TRAPPC4: variants seen among roughly 807,000 people sequenced by gnomAD.
TRAPPC4 encodes the protein trafficking protein particle complex subunit 4, also known as TRS23 homolog.
In TRAPPC4, 30 loss-of-function variants were observed where a neutral mutation model predicts 23.5. That is an observed-to-expected ratio of 1.28 (90% CI 0.96 to 1.73). TRAPPC4 has a LOEUF of 1.73. Ranked by LOEUF, TRAPPC4 falls within the 40% of genes most tolerant of loss-of-function variation. TRAPPC4 has a pLI of 0.00. For missense variants in TRAPPC4, 252 were observed against 268.9 expected (o/e 0.94, Z 0.44); for synonymous variants, 129 against 105.3 (o/e 1.23, Z -1.38).
chr11:119,021,610 C>A, intron 3 of TRAPPC4, 150 bp from the exon 4 acceptor site: 1 of 805,386 alleles, frequency 1.2e-6, no homozygotes, highest in Non-Finnish European at 1.9e-6. Flanking sequence ...GATTCAAAGT[C>A]TTGCCTTTCC....
Position 119,023,220 on chromosome 11 carries a change from C to T in TRAPPC4, c.582-101C>T, listed in dbSNP as rs1943440558. ...CCTCAGCTGATCCGCCCACCTCAGC[C>T]TTCCATGATATATGTTGTTCTTCAA... On this transcript the variant is annotated intron_variant, in intron 4 of 4. Transcript: ENST00000533632. The T allele has an allele frequency of 2.6e-6, 3 of 1,142,670 alleles. No homozygotes were observed. In the South Asian group the frequency reaches 3.8e-5, roughly 15 times the overall value. The allele number at this position is 1,142,670 out of a possible 1,614,324, so 70.8% of individuals were successfully genotyped here.
At chr11:119,020,510 C>T (rs1943328443) in intron 3 of TRAPPC4, 1 of 337,760 alleles carries the variant, frequency 3.0e-6, no homozygotes, top group Non-Finnish European at 5.6e-6. Context: ...TCAAGCGATT[C>T]TCCTGCCTCA....
chr11:119,018,826 A>G lies in TRAPPC4; in HGVS notation c.31A>G (p.Lys11Glu). 1 of 1,614,234 alleles carries G rather than the reference A, an allele frequency of 6.2e-7. No individual in the cohort carries two copies. The highest frequency in any genetic ancestry group is 8.5e-7 in the Non-Finnish European group (1 of 1,180,046). The change falls in exon 1 of 5, where the codon AAA (lysine) becomes GAA (glutamate). Residue 11 changes from lysine to glutamate, a missense_variant. Lys to Glu is a moderately conservative substitution (Grantham distance 56). Around this residue, in one of 3 missense-constraint regions of TRAPPC4, gnomAD observed 222 missense variants for 217.8 expected, o/e 1.02. Transcript: ENST00000533632. The stretch of plus-strand genomic sequence containing the variant: ...GATTTTTAGTGTGTATGTGGTGAAC[A>G]AAGCTGGCGGCTTGATTTACCAGTT... MAIFSVYVVN[K>E]AGGLIYQLDS...
chr11:119,019,555 C>T (rs1008900174), intron 2 of TRAPPC4: 3 of 472,296 alleles, frequency 6.4e-6, no homozygotes, highest in African/African-American at 2.0e-5. Flanking sequence ...GATTCTCCTG[C>T]CTCAGCCTCC....
intron 4 of TRAPPC4, 132 bp from the exon 5 acceptor site, chr11:119,023,189 T>G (rs1943439870): frequency 1.3e-6 from 1 of 795,920 alleles, no homozygotes; most frequent in Admixed American, 2.1e-5. Flanking sequence ...AGTCTCAAAG[T>G]CCTGACCTCA....
At position 119,023,642 on chromosome 11, in the gene TRAPPC4, T is replaced by C. The variant is rs1943462460; in HGVS notation, c.*243T>C. ...GGAGGAGCTAGGTCCATAAATGTTGTAATAAATATTCCTTTGATCTTGGTG... is the reference window on the plus strand; with the variant it reads ...GGAGGAGCTAGGTCCATAAATGTTGCAATAAATATTCCTTTGATCTTGGTG... On this transcript the variant is annotated 3_prime_UTR_variant, in exon 5 of 5. Coordinates refer to ENST00000533632, the MANE Select transcript of TRAPPC4 (RefSeq NM_016146.6). 2.8e-6 allele frequency: 1 copy of C among 363,058 alleles called. No homozygotes were observed. Among genetic ancestry groups the C allele is most frequent in the Non-Finnish European group, 5.0e-6 (1 of 198,964 alleles). 22.5% of individuals were successfully genotyped at this position (363,058 alleles called of 1,614,324 possible). A position where few individuals can be genotyped will look rare whatever the true frequency, so the allele number is the denominator to read the frequency against.
chr11:119,020,225 CA>C lies in TRAPPC4; in HGVS notation c.429del (p.Lys143AsnfsTer8). The C allele has an allele frequency of 6.2e-7, 1 of 1,613,698 alleles. No homozygotes were observed. The highest frequency in any genetic ancestry group is 8.5e-7 in the Non-Finnish European group (1 of 1,179,944). On this transcript the variant is annotated frameshift_variant, in exon 3 of 5. Transcript: ENST00000533632. LOFTEE classifies it high-confidence loss of function. The part of the protein sequence containing the change: ...GIEMLETDTF[K>X]LHCYQTLTGI... ...TTGAGATGCTGGAGACAGACACATTCAAATTGCACTGCTACCAGACACTGAC... is the reference window on the plus strand; with the variant it reads ...TTGAGATGCTGGAGACAGACACATTCAATTGCACTGCTACCAGACACTGAC...
chr11:119,023,335 A>G lies in TRAPPC4; in HGVS notation c.596A>G (p.Asp199Gly). 1 of 1,613,882 alleles carries G rather than the reference A, an allele frequency of 6.2e-7. No homozygotes were observed. Among genetic ancestry groups the G allele is most frequent in the East Asian group, 2.2e-5 (1 of 44,876 alleles). Residue 199 changes from aspartate (D) to glycine (G), a missense_variant, in exon 5 of 5, where the codon GAC becomes GGC. Physicochemically the swap from Asp to Gly is moderately conservative, Grantham distance 94. This residue lies in a region of TRAPPC4 where 21 missense variants were observed against 24.8 expected (regional missense o/e 0.85). Coordinates refer to ENST00000533632, the MANE Select transcript of TRAPPC4 (RefSeq NM_016146.6). ...LEMPIRCELF[D>G]QNLKLALEVA... Reference sequence around the variant, plus strand: ...GCCCGGCTTAGGTGTGAGCTCTTTGACCAGAACCTGAAGCTAGCTCTGGAG... The same window carrying G: ...GCCCGGCTTAGGTGTGAGCTCTTTGGCCAGAACCTGAAGCTAGCTCTGGAG...
rs561431887 is a variant in TRAPPC4, at chr11:119,020,894, TTTGTC to T, written c.454+646_454+650del. 8.7e-3 allele frequency: 1,316 copies of T among 151,948 alleles called. 5 individuals carry two copies. The highest frequency in any genetic ancestry group is 0.015 in the Non-Finnish European group (993 of 68,070). The allele number at this position is 151,948 out of a possible 1,614,324, so 9.4% of individuals were successfully genotyped here. A position where few individuals can be genotyped will look rare whatever the true frequency, so the allele number is the denominator to read the frequency against. The stretch of plus-strand genomic sequence containing the variant: ...CTAATTTTTTGTGGGGTTTTTTTGT[TTTGTC>T]TTGTTTTGAGATGGAGTCTTGCTCT... On this transcript the variant is annotated intron_variant, in intron 3 of 4. Transcript: ENST00000533632.
rs782184590 is a variant in TRAPPC4 at position 119,018,858 on chromosome 11, C to T, written c.63C>T (p.Ser21=). The T allele has an allele frequency of 2.5e-6, 4 of 1,614,232 alleles. No individual in the cohort carries two copies. The highest frequency in any genetic ancestry group is 1.1e-5 in the South Asian group (1 of 91,088). The change falls in exon 1 of 5, where the codon AGC becomes AGT. Residue 21 remains serine (S), a synonymous_variant. Coordinates refer to ENST00000533632, the MANE Select transcript of TRAPPC4 (RefSeq NM_016146.6). ...KAGGLIYQLD[S]YAPRAEAEKT... ...GCGGCTTGATTTACCAGTTGGACAG[C>T]TACGCGCCACGGGCTGAGGCTGAGA...
chr11:119,019,765 ACTTCT>A (rs1943291211), intron 2 of TRAPPC4: 1 of 195,462 alleles, frequency 5.1e-6, no homozygotes, highest in Non-Finnish European at 1.1e-5. Context: ...CTTAAAGTCA[ACTTCT>A]CTTCTCTGAG....
At position 119,018,983 on chromosome 11, in the gene TRAPPC4, C is replaced by G. The variant is rs1046671191; in HGVS notation, c.175+13C>G. 3.1e-6 allele frequency: 5 copies of G among 1,608,036 alleles called. No individual in the cohort carries two copies. The highest frequency in any genetic ancestry group is 2.7e-5 in the African/African-American group (2 of 74,784). ...GACGGCATCCGAGGTGGGCTAGGCT[C>G]GGGCCCGTGGCGGGTGCGGGGGTGG... On this transcript the variant is annotated intron_variant, in intron 1 of 4. Transcript: ENST00000533632.
At position 119,023,456 on chromosome 11, in the gene TRAPPC4, G is replaced by A. The variant is rs572752542; in HGVS notation, c.*57G>A. 6.5e-7 allele frequency: 1 copy of A among 1,526,974 alleles called. No homozygotes were observed. The highest frequency in any genetic ancestry group is 1.1e-5 in the South Asian group (1 of 89,326). The allele number at this position is 1,526,974 out of a possible 1,614,324, so 94.6% of individuals were successfully genotyped here. A position where few individuals can be genotyped will look rare whatever the true frequency, so the allele number is the denominator to read the frequency against. Reference sequence around the variant, plus strand: ...GAGTTCCTGCAACAAGAATACTGCTGTTGACACTCCAGTGGAAATCCCAGC... The same window carrying A: ...GAGTTCCTGCAACAAGAATACTGCTATTGACACTCCAGTGGAAATCCCAGC... On this transcript the variant is annotated 3_prime_UTR_variant, in exon 5 of 5. Transcript: ENST00000533632.
At chr11:119,019,340 G>T in intron 2 of TRAPPC4, 23 bp downstream of exon 2, 1 of 1,598,114 alleles carries the variant, frequency 6.3e-7, no homozygotes, top group Non-Finnish European at 8.6e-7. Context: ...TCTCCTGAAC[G>T]GCAGCGCTTG....
intron 2 of TRAPPC4, 144 bp from the exon 3 acceptor site, chr11:119,020,006 T>A (rs974242283): frequency 1.3e-5 from 7 of 541,256 alleles, no homozygotes; most frequent in South Asian, 5.4e-5. Flanking sequence ...AACTTAGAAA[T>A]TTTGACACTA....
Position 119,020,175 on chromosome 11 carries a change from T to G in TRAPPC4, c.376T>G (p.Ser126Ala). The change falls in exon 3 of 5, where the codon TCT becomes GCT. Residue 126 changes from serine (S) to alanine (A), a missense_variant. Physicochemically the swap from Ser to Ala is moderately conservative, Grantham distance 99. Transcript: ENST00000533632. ...HSLFAIGSQL[S>A]PEQGSSGIEM... ...GCTCTTTGCCATCGGCTCCCAGCTG[T>G]CTCCTGAACAGGGAAGCTCAGGCAT... is the stretch of plus-strand genomic sequence containing the variant. 2 of 1,613,890 alleles carry G rather than the reference T, an allele frequency of 1.2e-6. No individual in the cohort carries two copies. The highest frequency in any genetic ancestry group is 1.7e-6 in the Non-Finnish European group (2 of 1,179,914).
At chr11:119,022,684 G>GT (rs1397209957) in intron 4 of TRAPPC4, among the ~76,000 whole-genome samples, 3 of 152,078 alleles carry the variant, frequency 2.0e-5, no homozygotes, top group African/African-American at 7.2e-5. Flanking sequence ...GAGGTCAGGA[G>GT]TTTAAGACCA....
chr11:119,021,974 G>A (rs1943370582), intron 4 of TRAPPC4, 88 bp downstream of exon 4: 2 of 1,491,020 alleles, frequency 1.3e-6, no homozygotes, highest in Non-Finnish European at 1.8e-6. Flanking sequence ...GCATAGTAGA[G>A]TATTACTTTT....
rs116886414 is a variant in TRAPPC4, at chr11:119,021,756, C to T, written c.455-4C>T. ...TTTGGTAACCATTCTTGGTCTCTCT[C>T]CAGGGATCAAGTTTGTGGTTCTAGC... On this transcript the variant is annotated splice_polypyrimidine_tract_variant and splice_region_variant and intron_variant, in intron 3 of 4. Coordinates refer to ENST00000533632, the MANE Select transcript of TRAPPC4 (RefSeq NM_016146.6). 2,412 of 1,613,962 alleles carry T rather than the reference C, an allele frequency of 1.5e-3. 46 individuals are homozygous for T. In the East Asian group the frequency reaches 0.034, roughly 23 times the overall value.
Sources: gnomAD v4.1 joint callset for allele counts (sites outside exome capture counted in the v4.1 genomes callset) on GRCh38, gnomAD v4.1.1 for gene constraint, gnomAD v4.1.1 regional missense constraint, MANE v1.5 for transcripts, NCBI Gene and HGNC (gene_info 2026-07-23, HGNC 2026-07-21) for gene names.